GSE1: variants seen among roughly 807,000 people sequenced by gnomAD.
GSE1 encodes the protein genetic suppressor element 1.
In GSE1, 32 loss-of-function variants were observed where a neutral mutation model predicts 112.6. The ratio of observed to expected loss-of-function variants is 0.28; its 90% CI spans 0.21 to 0.38. GSE1 has a LOEUF of 0.38. Among genes scored for constraint, GSE1 ranks in the 10% least tolerant of loss-of-function variants. The pLI, the probability that GSE1 is intolerant of heterozygous loss-of-function variation, is 1.00. For synonymous variants in GSE1, 1,115 were observed against 735.6 expected (o/e 1.52, Z -8.35); for missense variants, 2,348 against 1,699.2 (o/e 1.38, Z -6.71).
Position 85,654,917 on chromosome 16 carries a change from G to A in GSE1, c.723G>A (p.Leu241=). The A allele has an allele frequency of 1.9e-6, 3 of 1,611,264 alleles. No individual in the cohort carries two copies. Among genetic ancestry groups the A allele is most frequent in the East Asian group, 2.2e-5 (1 of 44,840 alleles). ...LRMSSLPPLG[L]DPATAAAYYH... ...TGTCCTCACTGCCTCCCCTCGGCCT[G>A]GACCCGGCCACTGCTGCAGCCTACT... is the stretch of plus-strand genomic sequence containing the variant. The change falls in exon 5 of 16, where the codon CTG becomes CTA. Residue 241 remains leucine (L), a synonymous_variant. Transcript: ENST00000253458.
At chr16:85,442,243 C>T (rs1391701352) in intron 2 of GSE1, among the ~76,000 whole-genome samples, 2 of 152,188 alleles carry the variant, frequency 1.3e-5, no homozygotes, top group African/African-American at 4.8e-5. Context: ...GTTCTGCTGC[C>T]TCCTTCACTG....
chr16:85,596,014 A>T (rs951570470), intron 1 of GSE1, among the ~76,000 whole-genome samples: 1 of 124,972 alleles, frequency 8.0e-6, no homozygotes, highest in South Asian at 2.6e-4. Flanking sequence ...CCATTCTCCC[A>T]TCTGCCCACC....
intron 1 of GSE1, among the ~76,000 whole-genome samples, chr16:85,317,577 C>G (rs935748346): frequency 6.6e-6 from 1 of 152,070 alleles, no homozygotes; most frequent in African/African-American, 2.4e-5. Flanking sequence ...CATCCATGCG[C>G]CCTGCACAGC....
intron 2 of GSE1, among the ~76,000 whole-genome samples, chr16:85,486,677 C>T (rs1307215482): frequency 6.6e-6 from 1 of 152,186 alleles, no homozygotes; most frequent in Non-Finnish European, 1.5e-5. Flanking sequence ...GGTGGGAGCG[C>T]CGTCCCGCCC....
intron 2 of GSE1, among the ~76,000 whole-genome samples, chr16:85,501,824 G>C (rs1011372074): frequency 3.9e-5 from 6 of 152,234 alleles, no homozygotes; most frequent in African/African-American, 1.4e-4. Context: ...TGGGAACCCA[G>C]CCCCGACAGG....
intron 1 of GSE1, among the ~76,000 whole-genome samples, chr16:85,252,235 G>C (rs936448568): frequency 7.2e-5 from 11 of 152,148 alleles, no homozygotes; most frequent in African/African-American, 2.2e-4. Context: ...GGCGGCAGGA[G>C]GGGGCTGAGC....
intron 2 of GSE1, among the ~76,000 whole-genome samples, chr16:85,481,031 C>G (rs968041795): frequency 1.3e-5 from 2 of 152,210 alleles, no homozygotes; most frequent in Non-Finnish European, 2.9e-5. Context: ...TGCCCTTGCT[C>G]CCTCTCTGGG....
intron 2 of GSE1, among the ~76,000 whole-genome samples, chr16:85,408,389 T>C (rs1370537292): frequency 4.8e-4 from 4 of 8,412 alleles, no homozygotes; most frequent in Admixed American, 1.3e-3. Context: ...GCACTCAGGG[T>C]CCCTCTGATA....
chr16:85,215,980 C>T (rs867292111), intron 1 of GSE1, among the ~76,000 whole-genome samples: 1 of 152,168 alleles, frequency 6.6e-6, no homozygotes, highest in Non-Finnish European at 1.5e-5. Context: ...GAGGGGTGGG[C>T]CAGAGACATA....
chr16:85,375,658 C>A (rs922887160), intron 2 of GSE1, among the ~76,000 whole-genome samples: 10 of 151,968 alleles, frequency 6.6e-5, no homozygotes, highest in African/African-American at 1.2e-4. Context: ...TCTGTCTTCC[C>A]TCGCCGGGCA....
chr16:85,588,334 GCTGA>G (rs1307957196), intron 1 of GSE1, among the ~76,000 whole-genome samples: 2 of 152,202 alleles, frequency 1.3e-5, no homozygotes, highest in African/African-American at 4.8e-5. Context: ...ATGCTCACTG[GCTGA>G]CTGGCCCCCC....
chr16:85,392,096 T>A (rs1472644542), intron 2 of GSE1, among the ~76,000 whole-genome samples: 1 of 152,014 alleles, frequency 6.6e-6, no homozygotes, highest in Non-Finnish European at 1.5e-5. Flanking sequence ...ACTCCCTCCC[T>A]TCCCGTGATT....
At chr16:85,505,516 G>T (rs1003155829) in intron 2 of GSE1, among the ~76,000 whole-genome samples, 1 of 152,148 alleles carries the variant, frequency 6.6e-6, no homozygotes, top group Non-Finnish European at 1.5e-5. Flanking sequence ...TGAAGGTGCC[G>T]CTGTGGTGTC....
intron 2 of GSE1, among the ~76,000 whole-genome samples, chr16:85,366,268 C>T (rs770164271): frequency 3.3e-5 from 5 of 152,346 alleles, no homozygotes; most frequent in South Asian, 4.1e-4. Flanking sequence ...CCGGAGGGCA[C>T]GGGGGGCTGG....
intron 1 of GSE1, among the ~76,000 whole-genome samples, chr16:85,627,829 G>T (rs1472468154): frequency 6.6e-6 from 1 of 152,234 alleles, no homozygotes; most frequent in Non-Finnish European, 1.5e-5. Flanking sequence ...TCTAATGAGG[G>T]CAGCAGGGGG....
intron 2 of GSE1, among the ~76,000 whole-genome samples, chr16:85,642,279 C>G (rs1598522356): frequency 6.6e-6 from 1 of 152,196 alleles, no homozygotes; most frequent in East Asian, 1.9e-4. Flanking sequence ...CTGCTGCACT[C>G]CAGCCTGGGT....
At chr16:85,199,983 C>T (rs2074999045) in intron 1 of GSE1, among the ~76,000 whole-genome samples, 1 of 152,144 alleles carries the variant, frequency 6.6e-6, no homozygotes, top group South Asian at 2.1e-4. Context: ...CAGCCACCAG[C>T]CCCTGCCTGA....
chr16:85,457,490 C>T (rs560447594), intron 2 of GSE1, among the ~76,000 whole-genome samples: 4 of 152,250 alleles, frequency 2.6e-5, no homozygotes, highest in Non-Finnish European at 5.9e-5. Flanking sequence ...GCACAGCAGG[C>T]TTCACAGTCT....
intron 2 of GSE1, among the ~76,000 whole-genome samples, chr16:85,375,464 G>T (rs767005733): frequency 6.6e-6 from 1 of 152,178 alleles, no homozygotes; most frequent in Non-Finnish European, 1.5e-5. Flanking sequence ...GGGAAGCAGC[G>T]GGTGTCACAA....
Sources: gnomAD v4.1 joint callset for allele counts (sites outside exome capture counted in the v4.1 genomes callset) on GRCh38, gnomAD v4.1.1 for gene constraint, MANE v1.5 for transcripts, NCBI Gene and HGNC (gene_info 2026-07-23, HGNC 2026-07-21) for gene names.